Variants in CUX2 observed in about 807,000 individuals in gnomAD.
CUX2 encodes the protein cut like homeobox 2, also known as homeobox protein cut-like 2.
A neutral mutation model predicts 144.8 loss-of-function variants in CUX2; 40 were observed. The observed-to-expected ratio is 0.28, with a 90% CI of 0.21 to 0.36. The LOEUF (loss-of-function observed/expected upper bound fraction) is 0.36. Ranked by LOEUF, CUX2 falls within the 10% of genes least tolerant of loss-of-function variation. CUX2 has a pLI of 1.00. For missense variants in CUX2, 1,615 were observed against 1,994.0 expected, an observed-to-expected ratio of 0.81 and a Z score of 3.62; for synonymous variants, 827 against 875.6, an observed-to-expected ratio of 0.94 and a Z score of 0.98.
intron 1 of CUX2, among the ~76,000 whole-genome samples, chr12:111,166,714 G>A (rs998739220): frequency 7.2e-5 from 11 of 152,216 alleles, no homozygotes; most frequent in African/African-American, 2.4e-4. Flanking sequence ...GGAAGGGGCC[G>A]GTGTTTGGTC....
At chr12:111,168,290 A>G (rs917484818) in intron 1 of CUX2, among the ~76,000 whole-genome samples, 1 of 152,152 alleles carries the variant, frequency 6.6e-6, no homozygotes, top group Non-Finnish European at 1.5e-5. Context: ...TGCCTGTCAC[A>G]CTGATAAAGG....
chr12:111,092,567 G>A (rs958331954), intron 1 of CUX2, among the ~76,000 whole-genome samples: 2 of 152,178 alleles, frequency 1.3e-5, no homozygotes, highest in Admixed American at 6.5e-5. Flanking sequence ...GAGAGGAGCC[G>A]TAAGCAAAAG....
rs982923084 is a variant in CUX2, at chr12:111,039,890, T to C, written c.63+5650T>C. 2.6e-5 allele frequency among the ~76,000 whole-genome samples: 4 copies of C among 152,182 alleles called. No homozygotes were observed. Among genetic ancestry groups the C allele is most frequent in the African/African-American group, 9.7e-5 (4 of 41,442 alleles). ...GCTATTGACCTTTTAAGCAATATTT[T>C]TGAAACAAAAAATTATGTCTAGGAT... On this transcript the variant is annotated intron_variant, in intron 1 of 21. Coordinates refer to ENST00000261726, the MANE Select transcript of CUX2 (RefSeq NM_015267.4). The surrounding 1 kb of genome is among the most constrained non-coding windows in gnomAD (Gnocchi z 4.2).
intron 3 of CUX2, among the ~76,000 whole-genome samples, chr12:111,227,026 G>A (rs999351901): frequency 6.6e-6 from 1 of 152,178 alleles, no homozygotes; most frequent in Non-Finnish European, 1.5e-5. Context: ...TGGGAGGTGG[G>A]AGACACAAGA....
At chr12:111,258,579 G>A (rs1258282211) in intron 3 of CUX2, among the ~76,000 whole-genome samples, 1 of 150,028 alleles carries the variant, frequency 6.7e-6, no homozygotes, top group Non-Finnish European at 1.5e-5. Flanking sequence ...TCATTGCCTT[G>A]AAACGAGACT....
intron 3 of CUX2, among the ~76,000 whole-genome samples, chr12:111,241,647 C>T (rs1288038025): frequency 6.6e-6 from 1 of 152,280 alleles, no homozygotes; most frequent in East Asian, 1.9e-4. Context: ...AACAACATGG[C>T]GGCCAAGACT....
At chr12:111,179,501 C>T (rs1879034150) in intron 1 of CUX2, among the ~76,000 whole-genome samples, 1 of 152,280 alleles carries the variant, frequency 6.6e-6, no homozygotes, top group South Asian at 2.1e-4. Context: ...GCATTAATAA[C>T]GATCCTACTT....
intron 4 of CUX2, among the ~76,000 whole-genome samples, chr12:111,268,890 A>G (rs1884510131): frequency 6.6e-6 from 1 of 152,110 alleles, no homozygotes; most frequent in South Asian, 2.1e-4. Context: ...GATGCCTCCC[A>G]GGGGTCCCCA....
intron 1 of CUX2, among the ~76,000 whole-genome samples, chr12:111,053,519 T>A (rs1368235543): frequency 6.6e-6 from 1 of 152,226 alleles, no homozygotes; most frequent in Non-Finnish European, 1.5e-5. Context: ...ATAGTCTCCA[T>A]CCTTAGCATT....
chr12:111,166,270 C>A (rs957850538), intron 1 of CUX2, among the ~76,000 whole-genome samples: 1 of 152,234 alleles, frequency 6.6e-6, no homozygotes, highest in Non-Finnish European at 1.5e-5. Flanking sequence ...GATTCTCCTG[C>A]CTTAGCTTCC....
intron 1 of CUX2, among the ~76,000 whole-genome samples, chr12:111,181,386 C>T (rs1010478349): frequency 5.9e-5 from 9 of 152,228 alleles, no homozygotes; most frequent in Non-Finnish European, 1.5e-5. Flanking sequence ...GGCTTGGAGG[C>T]GCCGGTAATA....
At chr12:111,258,452 G>A (rs1467522678) in intron 3 of CUX2, among the ~76,000 whole-genome samples, 1 of 150,676 alleles carries the variant, frequency 6.6e-6, no homozygotes, top group African/African-American at 2.4e-5. Context: ...GGTGGAGGTT[G>A]CAGTGAGCTG....
chr12:111,135,505 A>C (rs974696780), intron 1 of CUX2, among the ~76,000 whole-genome samples: 1 of 152,258 alleles, frequency 6.6e-6, no homozygotes, highest in Non-Finnish European at 1.5e-5. Context: ...AATTGAAAAC[A>C]GGTGCTCCAA....
intron 4 of CUX2, among the ~76,000 whole-genome samples, chr12:111,285,284 A>G (rs888315174): frequency 1.3e-5 from 2 of 152,166 alleles, no homozygotes; most frequent in African/African-American, 2.4e-5. Flanking sequence ...TGGTGAGACC[A>G]CCTGGGTCAG....
chr12:111,229,470 C>A (rs551382118), intron 3 of CUX2, among the ~76,000 whole-genome samples: 1 of 152,360 alleles, frequency 6.6e-6, no homozygotes, highest in Non-Finnish European at 1.5e-5. Context: ...TTAGGTCACA[C>A]AGCCAGGAGA....
intron 1 of CUX2, among the ~76,000 whole-genome samples, chr12:111,138,054 G>A (rs1343593382): frequency 6.6e-6 from 1 of 152,222 alleles, no homozygotes; most frequent in African/African-American, 2.4e-5. Context: ...TGCTGAAAAG[G>A]TGGGGTCTCC....
At chr12:111,169,069 G>A (rs1270763537) in intron 1 of CUX2, among the ~76,000 whole-genome samples, 2 of 152,096 alleles carry the variant, frequency 1.3e-5, no homozygotes, top group Admixed American at 6.5e-5. Flanking sequence ...TAGAAACAGG[G>A]TCTCTGCAGG....
At chr12:111,220,148 A>C (rs1426551366) in intron 3 of CUX2, among the ~76,000 whole-genome samples, 1 of 152,114 alleles carries the variant, frequency 6.6e-6, no homozygotes, top group African/African-American at 2.4e-5. Flanking sequence ...TGTCTCAAAA[A>C]AAAAAAAAAA....
chr12:111,149,448 A>G (rs1463653903), intron 1 of CUX2, among the ~76,000 whole-genome samples: 1 of 152,114 alleles, frequency 6.6e-6, no homozygotes, highest in African/African-American at 2.4e-5. Context: ...GGTTGCCTGT[A>G]TATTGTGGGG....
Sources: allele counts gnomAD v4.1 joint callset (sites outside exome capture counted in the v4.1 genomes callset), GRCh38; gene constraint gnomAD v4.1.1; non-coding constraint Gnocchi (gnomAD v3.1); transcripts MANE v1.5; gene names NCBI Gene and HGNC (gene_info 2026-07-23, HGNC 2026-07-21).